MGAT4C: variants seen among roughly 807,000 people sequenced by gnomAD.
MGAT4C encodes the protein MGAT4 family member C.
A neutral mutation model predicts 40.1 loss-of-function variants in MGAT4C; 19 were observed. That is an observed-to-expected ratio of 0.47 (90% CI 0.33 to 0.70). The LOEUF is 0.70. Ranked by LOEUF, MGAT4C falls within the 30% of genes least tolerant of loss-of-function variation. MGAT4C has a pLI of 0.02. For synonymous variants in MGAT4C, 181 were observed against 187.1 expected (o/e 0.97, Z 0.27); for missense variants, 491 against 563.2 (o/e 0.87, Z 1.30).
chr12:86,116,146 A>G (rs1393918610), intron 1 of MGAT4C, among the ~76,000 whole-genome samples: 1 of 151,886 alleles, frequency 6.6e-6, no homozygotes, highest in Non-Finnish European at 1.5e-5. Context: ...AGATAATGCA[A>G]TTGAATTGAT....
chr12:86,243,975 T>A (rs1951908583), intron 1 of MGAT4C, among the ~76,000 whole-genome samples: 1 of 152,178 alleles, frequency 6.6e-6, no homozygotes, highest in Non-Finnish European at 1.5e-5. Flanking sequence ...AGACTGGCCA[T>A]ATTCAGCCTG....
intron 3 of MGAT4C, among the ~76,000 whole-genome samples, chr12:86,395,664 T>C (rs1334360481): frequency 6.6e-6 from 1 of 152,212 alleles, no homozygotes; most frequent in Non-Finnish European, 1.5e-5. Context: ...AGTGGCCTTT[T>C]GAATTTACAA....
chr12:86,548,495 CG>C (rs1959216728), intron 2 of MGAT4C, among the ~76,000 whole-genome samples: 1 of 152,046 alleles, frequency 6.6e-6, no homozygotes, highest in Non-Finnish European at 1.5e-5. Flanking sequence ...AGCAAATTCC[CG>C]TTTACGCAGG....
At chr12:86,685,594 A>G (rs1340077528) in intron 2 of MGAT4C, among the ~76,000 whole-genome samples, 2 of 152,132 alleles carry the variant, frequency 1.3e-5, no homozygotes, top group African/African-American at 2.4e-5. Context: ...TGATGGGGAT[A>G]ACATTGAATC....
chr12:86,353,751 T>C (rs1955234565), intron 3 of MGAT4C, among the ~76,000 whole-genome samples: 6 of 152,182 alleles, frequency 3.9e-5, no homozygotes. Context: ...GTGGAAAAGA[T>C]GCTTTTGTTA....
intron 2 of MGAT4C, among the ~76,000 whole-genome samples, chr12:86,661,570 A>T (rs1388664137): frequency 6.6e-6 from 1 of 152,190 alleles, no homozygotes; most frequent in Non-Finnish European, 1.5e-5. Flanking sequence ...TGAAATAAAT[A>T]CTAAGGACGT....
chr12:86,627,215 A>G (rs1350159687), intron 2 of MGAT4C, among the ~76,000 whole-genome samples: 1 of 152,162 alleles, frequency 6.6e-6, no homozygotes, highest in Non-Finnish European at 1.5e-5. Flanking sequence ...CAAGGTGACC[A>G]GGAATCTTGA....
intron 2 of MGAT4C, among the ~76,000 whole-genome samples, chr12:86,038,968 T>A (rs1891523962): frequency 1.6e-5 from 1 of 63,666 alleles, no homozygotes; most frequent in Admixed American, 1.3e-4. Context: ...CTGCAAAAGG[T>A]TTTTTTTCTC....
intron 2 of MGAT4C, 60 bp from the exon 3 acceptor site, chr12:85,989,612 C>A (rs573152229): frequency 2.8e-6 from 4 of 1,441,544 alleles, no homozygotes; most frequent in Non-Finnish European, 2.8e-6. Context: ...ATTTCTTTAT[C>A]GCATATATAA....
intron 3 of MGAT4C, among the ~76,000 whole-genome samples, chr12:86,426,160 A>C (rs965886797): frequency 6.6e-6 from 1 of 152,180 alleles, no homozygotes; most frequent in African/African-American, 2.4e-5. Context: ...CTGCCCCTTA[A>C]CAAGTCTCCT....
chr12:86,614,579 T>C (rs1263685568), intron 2 of MGAT4C, among the ~76,000 whole-genome samples: 1 of 152,002 alleles, frequency 6.6e-6, no homozygotes, highest in African/African-American at 2.4e-5. Flanking sequence ...GAAAACTGTA[T>C]AAATTTAAAT....
intron 1 of MGAT4C, among the ~76,000 whole-genome samples, chr12:86,194,466 T>TC (rs1442410498): frequency 2.6e-5 from 4 of 151,864 alleles, no homozygotes; most frequent in Non-Finnish European, 5.9e-5. Context: ...ATTTTTTTTT[T>TC]TTTTTGAGAC....
intron 1 of MGAT4C, among the ~76,000 whole-genome samples, chr12:86,820,432 T>G (rs1243827687): frequency 6.6e-6 from 1 of 150,718 alleles, no homozygotes; most frequent in Non-Finnish European, 1.5e-5. Flanking sequence ...TCCTTTAACT[T>G]TCGATTGACT....
rs1247063526 is a variant in MGAT4C, at chr12:86,181,349, C to T, written c.-57+74890G>A. 4.6e-5 allele frequency among the ~76,000 whole-genome samples: 7 copies of T among 151,950 alleles called. No individual in the cohort carries two copies. In the East Asian group the frequency reaches 1.4e-3, roughly 29 times the overall value. On this transcript the variant is annotated intron_variant, in intron 1 of 4. Coordinates refer to ENST00000611864, the MANE Select transcript of MGAT4C (RefSeq NM_001351288.2). The stretch of plus-strand genomic sequence containing the variant: ...TTTGATGGTAACTTAACATTTAGCC[C>T]AGAGTTGATACTGATGTCAATATAA...
intron 2 of MGAT4C, among the ~76,000 whole-genome samples, chr12:86,713,780 T>A (rs1206687243): frequency 6.6e-6 from 1 of 152,120 alleles, no homozygotes; most frequent in Non-Finnish European, 1.5e-5. Context: ...TTTTAGTAAC[T>A]TTTCCAAAGT....
intron 2 of MGAT4C, among the ~76,000 whole-genome samples, chr12:86,629,239 C>G (rs893920853): frequency 1.3e-5 from 2 of 152,106 alleles, no homozygotes; most frequent in African/African-American, 2.4e-5. Context: ...TACAGGAGCA[C>G]CCAGATTCAT....
At chr12:86,589,594 C>A (rs1195380090) in intron 2 of MGAT4C, among the ~76,000 whole-genome samples, 1 of 151,902 alleles carries the variant, frequency 6.6e-6, no homozygotes, top group Non-Finnish European at 1.5e-5. Flanking sequence ...GGCAGAGACA[C>A]AACCAAAAAA....
intron 4 of MGAT4C, among the ~76,000 whole-genome samples, chr12:86,311,480 A>AT (rs11411452): frequency 0.77 from 117,098 of 151,788 alleles, 45,551 homozygotes; most frequent in East Asian, 0.95. Context: ...GTCTAAACTA[A>AT]TTTTTTTAAT....
chr12:86,201,554 T>C (rs1410159128), intron 1 of MGAT4C, among the ~76,000 whole-genome samples: 3 of 150,380 alleles, frequency 2.0e-5, no homozygotes, highest in Non-Finnish European at 3.0e-5. Flanking sequence ...AGTTATATAT[T>C]AAATACATAA....
Sources: gnomAD v4.1 joint callset for allele counts (sites outside exome capture counted in the v4.1 genomes callset) on GRCh38, gnomAD v4.1.1 for gene constraint, MANE v1.5 for transcripts, NCBI Gene and HGNC (gene_info 2026-07-23, HGNC 2026-07-21) for gene names.